Variants in USP32 observed in about 807,000 individuals in gnomAD.
USP32 encodes ubiquitin carboxyl-terminal hydrolase 32.
In USP32, 59 loss-of-function variants were observed where a neutral mutation model predicts 204.8. The observed-to-expected ratio is 0.29, with a 90% confidence interval of 0.23 to 0.36. The LOEUF is 0.36. Ranked by LOEUF, USP32 falls within the 10% of genes least tolerant of loss-of-function variation. The pLI is 1.00. For synonymous variants in USP32, 517 were observed against 678.4 expected, an observed-to-expected ratio of 0.76 and a Z score of 3.70; for missense variants, 1,160 against 1,946.4, an observed-to-expected ratio of 0.60 and a Z score of 7.60.
At chr17:60,348,113 C>T (rs1347533679) in intron 1 of USP32, among the ~76,000 whole-genome samples, 2 of 150,444 alleles carry the variant, frequency 1.3e-5, no homozygotes, top group African/African-American at 4.9e-5. Context: ...CAGAGCGAGA[C>T]CCCGTCTCAA....
chr17:60,212,218 T>A, intron 18 of USP32, 120 bp from the exon 19 acceptor site: 1 of 833,648 alleles, frequency 1.2e-6, no homozygotes, highest in Non-Finnish European at 1.9e-6. Context: ...CTAGTTAATT[T>A]TAGTACATAC....
chr17:60,267,808 C>T (rs539218377), intron 7 of USP32, among the ~76,000 whole-genome samples: 3 of 151,278 alleles, frequency 2.0e-5, no homozygotes, highest in Non-Finnish European at 2.9e-5. Context: ...TGTGAGCCAC[C>T]GTGCCAGGCC....
intron 2 of USP32, among the ~76,000 whole-genome samples, chr17:60,307,863 G>A (rs1368692180): frequency 1.3e-5 from 2 of 152,176 alleles, no homozygotes; most frequent in East Asian, 1.9e-4. Context: ...TTGGCTGGAC[G>A]TTGAGAGGAA....
At chr17:60,302,811 T>C (rs1005387222) in intron 2 of USP32, among the ~76,000 whole-genome samples, 4 of 152,178 alleles carry the variant, frequency 2.6e-5, no homozygotes, top group Non-Finnish European at 4.4e-5. Context: ...AAAAAAATAT[T>C]TTTTAACACT....
chr17:60,220,706 C>T lies in USP32; in HGVS notation c.1750-919G>A, dbSNP rs568686499. 1.8e-3 allele frequency among the ~76,000 whole-genome samples: 279 copies of T among 152,056 alleles called. 2 individuals are homozygous for T. The highest frequency in any genetic ancestry group is 5.6e-3 in the African/African-American group (232 of 41,486). On this transcript the variant is annotated intron_variant, in intron 15 of 33. Transcript: ENST00000300896. ...TCACCCAGGCTGGAGTGCAGTGGCC[C>T]GATCTCGGCTCACCGCAAGCTCTGC... is the stretch of plus-strand genomic sequence containing the variant.
intron 1 of USP32, among the ~76,000 whole-genome samples, chr17:60,351,051 C>T (rs1347534793): frequency 6.6e-6 from 1 of 152,010 alleles, no homozygotes; most frequent in Non-Finnish European, 1.5e-5. Flanking sequence ...GAAATTCAAA[C>T]AAGAAGCAAA....
At chr17:60,262,512 G>A (rs774818947) in intron 9 of USP32, among the ~76,000 whole-genome samples, 1 of 152,050 alleles carries the variant, frequency 6.6e-6, no homozygotes, top group Non-Finnish European at 1.5e-5. Flanking sequence ...ATTTGTAAAT[G>A]TCCTCCGTTT....
At chr17:60,354,911 G>A (rs889647643) in intron 1 of USP32, among the ~76,000 whole-genome samples, 3 of 152,122 alleles carry the variant, frequency 2.0e-5, no homozygotes, top group African/African-American at 7.2e-5. Flanking sequence ...TGGGCATAGT[G>A]GCGGTGCCTG....
chr17:60,341,389 A>AT (rs2088655027), intron 2 of USP32, among the ~76,000 whole-genome samples: 1 of 151,790 alleles, frequency 6.6e-6, no homozygotes, highest in Non-Finnish European at 1.5e-5. Flanking sequence ...ATCTCTCAGC[A>AT]TTTGCTTGTC....
chr17:60,341,086 T>C (rs980480175), intron 2 of USP32, among the ~76,000 whole-genome samples: 2 of 152,142 alleles, frequency 1.3e-5, no homozygotes, highest in Non-Finnish European at 2.9e-5. Flanking sequence ...GACCTTTCTC[T>C]CTGGCTGCCC....
chr17:60,350,859 G>A (rs143531278), intron 1 of USP32, among the ~76,000 whole-genome samples: 46 of 152,038 alleles, frequency 3.0e-4, no homozygotes, highest in African/African-American at 8.0e-4. Flanking sequence ...CTTCATCCAC[G>A]TAACGAAAAA....
intron 11 of USP32, chr17:60,245,638 G>T: frequency 7.3e-6 from 2 of 272,220 alleles, no homozygotes; most frequent in South Asian, 4.9e-5. Context: ...AGGGGTCTGA[G>T]GGCAGCTATG....
intron 2 of USP32, among the ~76,000 whole-genome samples, chr17:60,339,514 C>T (rs1406154897): frequency 2.7e-5 from 4 of 146,018 alleles, no homozygotes; most frequent in Middle Eastern, 3.2e-3. Context: ...AACTGGGAGG[C>T]GGAGTTTGCA....
chr17:60,320,971 G>A (rs1483842342), intron 2 of USP32, among the ~76,000 whole-genome samples: 1 of 152,016 alleles, frequency 6.6e-6, no homozygotes, highest in East Asian at 1.9e-4. Context: ...CCCCATCTCT[G>A]TCCTCTTACC....
upstream of USP32, among the ~76,000 whole-genome samples, chr17:60,396,552 C>A: frequency 6.6e-6 from 1 of 152,098 alleles, no homozygotes; most frequent in Non-Finnish European, 1.5e-5. Context: ...GCTGGCTGGT[C>A]ACAGTAGCTC....
At chr17:60,366,370 G>A (rs910752942) in intron 1 of USP32, among the ~76,000 whole-genome samples, 1 of 151,978 alleles carries the variant, frequency 6.6e-6, no homozygotes, top group African/African-American at 2.4e-5. Context: ...TGTTGGCCAG[G>A]CTGGTCTTGA....
intron 26 of USP32, among the ~76,000 whole-genome samples, chr17:60,201,535 T>A (rs543778549): frequency 6.6e-6 from 1 of 152,276 alleles, no homozygotes; most frequent in East Asian, 1.9e-4. Flanking sequence ...CAGCATGGTA[T>A]GAGAGTTCCT....
chr17:60,409,909 G>A (rs1391833111), intron 1 of USP32, among the ~76,000 whole-genome samples: 3 of 152,176 alleles, frequency 2.0e-5, no homozygotes, highest in Non-Finnish European at 2.9e-5. Context: ...ATTCAAAGCT[G>A]TCCTGGATGG....
At chr17:60,387,318 T>C (rs946636945) in intron 1 of USP32, among the ~76,000 whole-genome samples, 5 of 152,226 alleles carry the variant, frequency 3.3e-5, no homozygotes, top group African/African-American at 1.2e-4. Flanking sequence ...AATTATCAAC[T>C]GTTACATGCT....
Sources: allele counts gnomAD v4.1 joint callset (sites outside exome capture counted in the v4.1 genomes callset), GRCh38; gene constraint gnomAD v4.1.1; transcripts MANE v1.5; gene names NCBI Gene and HGNC (gene_info 2026-07-23, HGNC 2026-07-21).